ATF7: variants seen among roughly 807,000 people sequenced by gnomAD.
The protein encoded by ATF7 is activating transcription factor 7.
ATF7 carries 10 observed loss-of-function variants against 50.4 expected under a neutral mutation model. That is an observed-to-expected ratio of 0.20 (90% confidence interval 0.12 to 0.34). The LOEUF (loss-of-function observed/expected upper bound fraction) is 0.34. ATF7 is among the 10% of genes least tolerant of loss of function. ATF7 has a pLI of 1.00. For missense variants in ATF7, 465 were observed against 613.9 expected (o/e 0.76, Z 2.56); for synonymous variants, 201 against 226.4 (o/e 0.89, Z 1.01).
intron 1 of ATF7, among the ~76,000 whole-genome samples, chr12:53,625,756 T>A (rs1944579920): frequency 6.6e-6 from 1 of 152,078 alleles, no homozygotes; most frequent in South Asian, 2.1e-4. Context: ...TCCTTCCTAT[T>A]ACCCTTTTCC....
intron 2 of ATF7, among the ~76,000 whole-genome samples, chr12:53,590,995 G>A (rs932558500): frequency 1.1e-4 from 17 of 152,088 alleles, no homozygotes; most frequent in Non-Finnish European, 5.9e-5. Flanking sequence ...TGTATAGGCA[G>A]TGAACACTAA....
At chr12:53,564,135 G>C (rs1941308248) in intron 2 of ATF7, among the ~76,000 whole-genome samples, 1 of 152,190 alleles carries the variant, frequency 6.6e-6, no homozygotes, top group African/African-American at 2.4e-5. Flanking sequence ...AGCACTTTGG[G>C]AGGCTGAGGT....
intron 2 of ATF7, among the ~76,000 whole-genome samples, chr12:53,586,140 G>A (rs1349243131): frequency 6.6e-6 from 1 of 152,064 alleles, no homozygotes; most frequent in Non-Finnish European, 1.5e-5. Flanking sequence ...CAATTATCTA[G>A]GTAAAGCCTA....
chr12:53,615,090 A>G (rs550595303), intron 1 of ATF7, among the ~76,000 whole-genome samples: 19 of 145,602 alleles, frequency 1.3e-4, no homozygotes, highest in Admixed American at 1.0e-3. Context: ...AAAAGAAAAG[A>G]AAAAAAAAAA....
intron 2 of ATF7, among the ~76,000 whole-genome samples, chr12:53,588,302 G>A (rs1488978332): frequency 6.6e-6 from 1 of 152,112 alleles, no homozygotes; most frequent in Non-Finnish European, 1.5e-5. Context: ...GATGTGTAGA[G>A]GTGCTATGAA....
At chr12:53,525,803 G>C (rs780067955) in intron 9 of ATF7, among the ~76,000 whole-genome samples, 4 of 152,132 alleles carry the variant, frequency 2.6e-5, no homozygotes, top group Non-Finnish European at 5.9e-5. Flanking sequence ...TTTTATAATA[G>C]AAGCCAAAAA....
At chr12:53,535,328 C>CAAAAAAAAAAAAAAAAAAAAA (rs397938442) in intron 5 of ATF7, among the ~76,000 whole-genome samples, 18 of 64,908 alleles carry the variant, frequency 2.8e-4, no homozygotes, top group South Asian at 1.0e-3. Flanking sequence ...GACTCTGCCT[C>CAAAAAAAAAAAAAAAAAAAAA]AAAAAAAAAA....
intron 2 of ATF7, among the ~76,000 whole-genome samples, chr12:53,588,207 A>G (rs1420579953): frequency 6.6e-6 from 1 of 152,186 alleles, no homozygotes; most frequent in Non-Finnish European, 1.5e-5. Flanking sequence ...ATGAATCTAC[A>G]TAGCCATATA....
At chr12:53,596,959 A>G (rs929520619) in intron 2 of ATF7, among the ~76,000 whole-genome samples, 1 of 152,178 alleles carries the variant, frequency 6.6e-6, no homozygotes, top group Non-Finnish European at 1.5e-5. Flanking sequence ...TTGCCTTAAC[A>G]ACACTAACCC....
intron 2 of ATF7, among the ~76,000 whole-genome samples, chr12:53,564,355 G>A (rs545360170): frequency 5.3e-5 from 8 of 152,300 alleles, no homozygotes; most frequent in Non-Finnish European, 8.8e-5. Flanking sequence ...CAGCCTGGGC[G>A]ACAGAGCAAG....
At chr12:53,618,738 G>A (rs1593007175) in intron 1 of ATF7, among the ~76,000 whole-genome samples, 1 of 151,980 alleles carries the variant, frequency 6.6e-6, no homozygotes, top group East Asian at 1.9e-4. Context: ...GTTGGTATAG[G>A]TTTTTATTCC....
chr12:53,551,157 C>T (rs1293385027), intron 3 of ATF7, among the ~76,000 whole-genome samples: 2 of 152,164 alleles, frequency 1.3e-5, no homozygotes, highest in African/African-American at 4.8e-5. Flanking sequence ...AGATCTCCCC[C>T]AGGTTTTCCT....
chr12:53,532,046 G>A, intron 8 of ATF7, 150 bp from the exon 9 acceptor site: 1 of 961,538 alleles, frequency 1.0e-6, no homozygotes, highest in Admixed American at 2.8e-5. Context: ...GAAAATGACA[G>A]GCAGAGAAAA....
rs1452354466 is a variant in ATF7 at position 53,513,983 on chromosome 12, G to A, written c.*3154C>T. 1 of 152,220 alleles carries A rather than the reference G, an allele frequency of 6.6e-6. No homozygotes were observed. The allele number at this position is 152,220 out of a possible 1,614,324, so 9.4% of individuals were successfully genotyped here. On this transcript the variant is annotated 3_prime_UTR_variant, in exon 12 of 12. Transcript: ENST00000420353. ...CACTACTTAGAGTACATGGTCTAAT[G>A]CTTAGGGCCAAGGAGGGAGGTGAAG...
At chr12:53,517,873 T>G (rs1009865742) in intron 11 of ATF7, among the ~76,000 whole-genome samples, 2 of 152,194 alleles carry the variant, frequency 1.3e-5, no homozygotes, top group African/African-American at 4.8e-5. Flanking sequence ...ATTTATTTAT[T>G]TTTTTTCCTA....
At chr12:53,523,833 AATGAGGTAGATCTCCCATATCC>A (rs1227452199) in intron 10 of ATF7, among the ~76,000 whole-genome samples, 1 of 152,210 alleles carries the variant, frequency 6.6e-6, no homozygotes, top group Non-Finnish European at 1.5e-5. Flanking sequence ...TATTAAAAAG[AATGAGGTAGATCTCCCATATCC>A]ATGGCTAGAT....
At chr12:53,573,184 A>G (rs1941869165) in intron 2 of ATF7, among the ~76,000 whole-genome samples, 1 of 151,724 alleles carries the variant, frequency 6.6e-6, no homozygotes, top group South Asian at 2.1e-4. Context: ...TAACTGTTCT[A>G]TTTTATTATT....
intron 1 of ATF7, among the ~76,000 whole-genome samples, chr12:53,616,659 G>A (rs188203674): frequency 7.9e-5 from 12 of 152,154 alleles, no homozygotes; most frequent in Admixed American, 6.5e-5. Flanking sequence ...GAGAAAAGGC[G>A]TGGCCGGGTG....
chr12:53,549,558 C>T (rs553755506), intron 3 of ATF7, among the ~76,000 whole-genome samples: 147 of 152,148 alleles, frequency 9.7e-4, no homozygotes, highest in Non-Finnish European at 1.7e-3. Context: ...CATGCACCAC[C>T]ATGCCAGGCT....
Sources: allele counts gnomAD v4.1 joint callset (sites outside exome capture counted in the v4.1 genomes callset), GRCh38; gene constraint gnomAD v4.1.1; transcripts MANE v1.5; gene names NCBI Gene and HGNC (gene_info 2026-07-23, HGNC 2026-07-21).